The following CACNB2 variants were observed in gnomAD, a reference collection of about 807,000 sequenced individuals.
CACNB2 encodes the protein calcium voltage-gated channel auxiliary subunit beta 2.
In CACNB2, 42 loss-of-function variants were observed where a neutral mutation model predicts 73.3. The ratio of observed to expected loss-of-function variants is 0.57; its 90% CI spans 0.45 to 0.74. The LOEUF is 0.74. Among genes scored for constraint, CACNB2 ranks in the 30% least tolerant of loss-of-function variants. The pLI is 0.00. For missense variants in CACNB2, 940 were observed against 853.0 expected, an observed-to-expected ratio of 1.10 and a Z score of -1.27; for synonymous variants, 348 against 310.3, an observed-to-expected ratio of 1.12 and a Z score of -1.28.
chr10:18,484,374 A>T (rs893737504), intron 3 of CACNB2, among the ~76,000 whole-genome samples: 4 of 151,670 alleles, frequency 2.6e-5, no homozygotes, highest in Non-Finnish European at 5.9e-5. Context: ...AGCCTGGGTG[A>T]CAGAGCCAGA....
rs142073748 is a variant in CACNB2, at chr10:18,402,804, C to T, written c.333+761C>T. Among the ~76,000 whole-genome samples the T allele has an allele frequency of 5.4e-3, 817 of 152,318 alleles. 7 individuals are homozygous for T. Among genetic ancestry groups the T allele is most frequent in the Non-Finnish European group, 9.0e-3 (611 of 68,020 alleles). ...TGGTTTGTGGGATACTCAGTCACTTCTCAATGAACCTATTTTAACATGGTT... is the reference window on the plus strand; with the variant it reads ...TGGTTTGTGGGATACTCAGTCACTTTTCAATGAACCTATTTTAACATGGTT... On this transcript the variant is annotated intron_variant, in intron 3 of 13. Transcript: ENST00000324631.
At chr10:18,303,520 T>TA (rs1028070621) in intron 2 of CACNB2, among the ~76,000 whole-genome samples, 16 of 151,320 alleles carry the variant, frequency 1.1e-4, no homozygotes, top group Non-Finnish European at 2.1e-4. Context: ...AAAAGAAAAT[T>TA]AAAAAAAAGG....
chr10:18,287,353 T>C (rs973698333), intron 2 of CACNB2, among the ~76,000 whole-genome samples: 2 of 151,912 alleles, frequency 1.3e-5, no homozygotes, highest in African/African-American at 4.8e-5. Context: ...GTCACAAATA[T>C]AAATTCTGAC....
intron 3 of CACNB2, among the ~76,000 whole-genome samples, chr10:18,424,071 T>C (rs1589309199): frequency 6.6e-6 from 1 of 152,118 alleles, no homozygotes; most frequent in African/African-American, 2.4e-5. Context: ...ACCTCCACAA[T>C]TACAGATACA....
At position 18,464,418 on chromosome 10, in the gene CACNB2, TAAAAAA is replaced by T. The variant is rs762982462; in HGVS notation, c.334-33920_334-33915del. On this transcript the variant is annotated intron_variant, in intron 3 of 13. Transcript: ENST00000324631. ...CAGAGTGAGACCCTGTCTCAAAAAT[TAAAAAA>T]AAAAAAAAAAAAAAAAGAATTTGGC... Among the ~76,000 whole-genome samples the T allele has an allele frequency of 3.8e-3, 320 of 85,308 alleles. 6 individuals are homozygous for T. Among genetic ancestry groups the T allele is most frequent in the African/African-American group, 0.012 (290 of 24,964 alleles). 56.0% of individuals were successfully genotyped at this position (85,308 alleles called of 152,430 possible).
intron 2 of CACNB2, among the ~76,000 whole-genome samples, chr10:18,327,897 C>T (rs888089353): frequency 5.3e-5 from 8 of 152,100 alleles, no homozygotes; most frequent in African/African-American, 1.9e-4. Flanking sequence ...TAGTTCAAGA[C>T]TTCAGGGCAA....
At chr10:18,351,744 T>G (rs2041714986) in intron 2 of CACNB2, among the ~76,000 whole-genome samples, 1 of 152,210 alleles carries the variant, frequency 6.6e-6, no homozygotes, top group Non-Finnish European at 1.5e-5. Context: ...AATTACAGAA[T>G]TAGGAAAGTT....
At chr10:18,405,139 T>C (rs945888473) in intron 3 of CACNB2, among the ~76,000 whole-genome samples, 1 of 152,196 alleles carries the variant, frequency 6.6e-6, no homozygotes, top group African/African-American at 2.4e-5. Flanking sequence ...ATTCACCCAT[T>C]TAAAGTGTAT....
At chr10:18,436,264 T>C (rs1564545590) in intron 3 of CACNB2, among the ~76,000 whole-genome samples, 1 of 152,254 alleles carries the variant, frequency 6.6e-6, no homozygotes, top group Non-Finnish European at 1.5e-5. Flanking sequence ...TAGAAACTTC[T>C]GTTTCATTTC....
At chr10:18,273,829 T>C (rs1015038050) in intron 2 of CACNB2, among the ~76,000 whole-genome samples, 4 of 152,238 alleles carry the variant, frequency 2.6e-5, no homozygotes, top group Admixed American at 6.5e-5. Flanking sequence ...TTGAAGAACA[T>C]ATTTATAAAA....
intron 2 of CACNB2, among the ~76,000 whole-genome samples, chr10:18,332,462 G>A (rs1391319365): frequency 4.6e-5 from 7 of 152,144 alleles, no homozygotes; most frequent in Non-Finnish European, 1.5e-5. Flanking sequence ...TCATCAAATT[G>A]GCGTTAAATG....
At chr10:18,224,507 T>C (rs879308436) in intron 2 of CACNB2, among the ~76,000 whole-genome samples, 1 of 152,174 alleles carries the variant, frequency 6.6e-6, no homozygotes, top group Non-Finnish European at 1.5e-5. Flanking sequence ...TTCCAAAGAA[T>C]TTCTTTCTCT....
intron 2 of CACNB2, among the ~76,000 whole-genome samples, chr10:18,342,225 A>C (rs1589089567): frequency 2.0e-5 from 3 of 152,234 alleles, no homozygotes; most frequent in African/African-American, 7.2e-5. Context: ...ATAACCTAAA[A>C]TGCAAATTGC....
intron 3 of CACNB2, among the ~76,000 whole-genome samples, chr10:18,407,303 G>C (rs1428821521): frequency 6.6e-6 from 1 of 151,306 alleles, no homozygotes; most frequent in African/African-American, 2.4e-5. Context: ...TGTATTTTTA[G>C]TAGAGACAGG....
intron 2 of CACNB2, among the ~76,000 whole-genome samples, chr10:18,318,305 C>T (rs1248957941): frequency 6.6e-6 from 1 of 152,068 alleles, no homozygotes; most frequent in Non-Finnish European, 1.5e-5. Flanking sequence ...GAATAGAGAC[C>T]TCAGAAATAA....
At chr10:18,536,750 C>CACTT (rs2053643737) in intron 12 of CACNB2, among the ~76,000 whole-genome samples, 1 of 152,140 alleles carries the variant, frequency 6.6e-6, no homozygotes, top group African/African-American at 2.4e-5. Flanking sequence ...GCAGTAACTT[C>CACTT]ACTTTGTTAA....
chr10:18,327,590 A>G (rs1326684392), intron 2 of CACNB2, among the ~76,000 whole-genome samples: 1 of 151,898 alleles, frequency 6.6e-6, no homozygotes, highest in African/African-American at 2.4e-5. Flanking sequence ...GTGCCCAGCT[A>G]ATTTTTGTAT....
chr10:18,362,782 C>G (rs1444638744), intron 2 of CACNB2, among the ~76,000 whole-genome samples: 1 of 152,100 alleles, frequency 6.6e-6, no homozygotes, highest in East Asian at 1.9e-4. Flanking sequence ...GTGGCACATG[C>G]CTGTAGTCCC....
At chr10:18,422,556 T>C (rs1052971752) in intron 3 of CACNB2, among the ~76,000 whole-genome samples, 4 of 152,182 alleles carry the variant, frequency 2.6e-5, no homozygotes, top group African/African-American at 9.7e-5. Context: ...CTCTCCTCAC[T>C]CGTCACCTCC....
Sources: allele counts gnomAD v4.1 joint callset (sites outside exome capture counted in the v4.1 genomes callset), GRCh38; gene constraint gnomAD v4.1.1; transcripts MANE v1.5; gene names NCBI Gene and HGNC (gene_info 2026-07-23, HGNC 2026-07-21).